The following NRP2 variants were observed in gnomAD, a reference collection of about 807,000 sequenced individuals.
The protein encoded by NRP2 is neuropilin-2.
A neutral mutation model predicts 110.4 loss-of-function variants in NRP2; 52 were observed. The observed-to-expected ratio is 0.47, with a 90% CI of 0.38 to 0.59. NRP2 has a LOEUF of 0.59. Among genes scored for constraint, NRP2 ranks in the 20% least tolerant of loss-of-function variants. The pLI is 0.00. For missense variants in NRP2, 1,049 were observed against 1,203.0 expected, an observed-to-expected ratio of 0.87 and a Z score of 1.89; for synonymous variants, 508 against 468.9, an observed-to-expected ratio of 1.08 and a Z score of -1.08.
At position 205,727,935 on chromosome 2, in the gene NRP2, G is replaced by A. The variant is rs1317226523; in HGVS notation, c.1035G>A (p.Gln345=). The change falls in exon 7 of 17, where the codon CAG becomes CAA. Residue 345 remains glutamine (Q), a synonymous_variant. Coordinates refer to ENST00000357785, the MANE Select transcript of NRP2 (RefSeq NM_003872.3). ...FLTMLTAIAT[Q]GAISRETQNG... is the part of the protein sequence containing the mutation. ...CCATGCTCACGGCCATCGCAACACA[G>A]GGAGCGATTTCCAGGGAAACACAGA... The A allele has an allele frequency of 3.7e-6, 6 of 1,614,120 alleles. No homozygotes were observed. The highest frequency in any genetic ancestry group is 1.6e-4 in the Middle Eastern group (1 of 6,062).
rs57186556 is a variant in NRP2, at chr2:205,766,926, C to T, written c.2425+123C>T. 1.5e-3 allele frequency: 1,220 copies of T among 839,622 alleles called. 11 individuals are homozygous for T. In the African/African-American group the frequency reaches 0.018, roughly 12 times the overall value. The allele number at this position is 839,622 out of a possible 1,614,324, so 52.0% of individuals were successfully genotyped here. A position where few individuals can be genotyped will look rare whatever the true frequency, so the allele number is the denominator to read the frequency against. On this transcript the variant is annotated intron_variant, in intron 15 of 16. Transcript: ENST00000357785. Reference sequence around the variant, plus strand: ...GTCAAATCTCGCAAGAGAAAAGAGACGCCACACCTTCCTGCCGCTAGATGG... The same window carrying T: ...GTCAAATCTCGCAAGAGAAAAGAGATGCCACACCTTCCTGCCGCTAGATGG...
At chr2:205,697,393 G>A (rs977124221) in intron 1 of NRP2, 151 bp from the exon 2 acceptor site, 12 of 767,584 alleles carry the variant, frequency 1.6e-5, no homozygotes, top group Admixed American at 8.7e-5. Context: ...CTCTTCCACC[G>A]AATGAGTAAG....
At chr2:205,773,214 G>A (rs1225205184) in intron 15 of NRP2, among the ~76,000 whole-genome samples, 1 of 152,214 alleles carries the variant, frequency 6.6e-6, no homozygotes, top group Non-Finnish European at 1.5e-5. Context: ...ACCTGCCTTT[G>A]GAGTTGAGTC....
intron 15 of NRP2, chr2:205,767,778 A>T (rs1370966179): frequency 5.9e-6 from 1 of 170,770 alleles, no homozygotes; most frequent in Non-Finnish European, 1.3e-5. Flanking sequence ...AAGCACACAC[A>T]AAAACACCCT....
intron 16 of NRP2, among the ~76,000 whole-genome samples, chr2:205,792,851 G>A (rs2058316834): frequency 6.6e-6 from 1 of 152,124 alleles, no homozygotes; most frequent in Non-Finnish European, 1.5e-5. Flanking sequence ...AGGCTAGAGG[G>A]CTGCTGAGCA....
intron 10 of NRP2, among the ~76,000 whole-genome samples, chr2:205,748,422 C>T (rs1380236398): frequency 2.6e-5 from 4 of 152,144 alleles, no homozygotes; most frequent in Admixed American, 6.5e-5. Context: ...GCTTTACAAT[C>T]GAGTTTCTAT....
chr2:205,792,192 T>C lies in NRP2; in HGVS notation c.2426-43T>C, dbSNP rs79642750. The stretch of plus-strand genomic sequence containing the variant: ...CCTCCCTGCCTTTTAGCCATGGTGA[T>C]AGAACTTGTTATTAACTTGTTTTTA... On this transcript the variant is annotated intron_variant, in intron 15 of 16. Coordinates refer to ENST00000357785, the MANE Select transcript of NRP2 (RefSeq NM_003872.3). 4,801 of 1,360,862 alleles carry C rather than the reference T, an allele frequency of 3.5e-3. 129 individuals are homozygous for C. In the African/African-American group the frequency reaches 0.056, roughly 16 times the overall value. 84.3% of individuals were successfully genotyped at this position (1,360,862 alleles called of 1,614,324 possible). A position where few individuals can be genotyped will look rare whatever the true frequency, so the allele number is the denominator to read the frequency against.
intron 15 of NRP2, 161 bp downstream of exon 15, chr2:205,766,964 CTGTAGA>C: frequency 1.5e-6 from 1 of 669,722 alleles, no homozygotes; most frequent in Non-Finnish European, 2.6e-6. Context: ...CTAGCAACAC[CTGTAGA>C]TGCGGGAAGG....
intron 8 of NRP2, among the ~76,000 whole-genome samples, chr2:205,741,798 A>G (rs1313575887): frequency 6.6e-6 from 1 of 152,174 alleles, no homozygotes; most frequent in African/African-American, 2.4e-5. Context: ...GCATCTCCAC[A>G]TGCCTTTCTT....
intron 1 of NRP2, among the ~76,000 whole-genome samples, chr2:205,690,985 G>A (rs1458039126): frequency 6.6e-6 from 1 of 152,114 alleles, no homozygotes; most frequent in African/African-American, 2.4e-5. Context: ...GGGGTGGGGA[G>A]GGAAGCGCAG....
At chr2:205,766,689 T>C (rs2057924269) in intron 14 of NRP2, 94 bp from the exon 15 acceptor site, 2 of 1,175,134 alleles carry the variant, frequency 1.7e-6, no homozygotes, top group Non-Finnish European at 1.3e-6. Context: ...AGTGCAGTCA[T>C]GTTTATCATC....
At position 205,683,253 on chromosome 2, in the gene NRP2, C is replaced by G; in HGVS notation, c.-38C>G. On this transcript the variant is annotated 5_prime_UTR_variant, in exon 1 of 17. Transcript: ENST00000357785. The stretch of plus-strand genomic sequence containing the variant: ...AAACACAAAGATTTAAACAAGAAAC[C>G]TACGAACCCAGCTCTGGAAAGAGCC... 1 of 1,464,794 alleles carries G rather than the reference C, an allele frequency of 6.8e-7. No homozygotes were observed. The highest frequency in any genetic ancestry group is 1.7e-5 in the Admixed American group (1 of 59,478). 90.7% of individuals were successfully genotyped at this position (1,464,794 alleles called of 1,614,324 possible).
At chr2:205,696,753 AG>A (rs2056435955) in intron 1 of NRP2, among the ~76,000 whole-genome samples, 2 of 152,226 alleles carry the variant, frequency 1.3e-5, no homozygotes, top group Admixed American at 1.3e-4. Flanking sequence ...GTGACCAGGC[AG>A]GAGGGACAGT....
In NRP2 at chr2:205,743,326, C is replaced by T. The variant is rs200906927; in HGVS notation, c.1415C>T (p.Ser472Leu). Reference protein sequence around the residue: ...PSAARLVSSRSGWFPRIPQAQ... With the variant: ...PSAARLVSSRLGWFPRIPQAQ... ...GCAGCCCGCCTGGTTAGCAGCCGCT[C>T]GGGCTGGTTCCCTCGAATCCCTCAG... The change falls in exon 9 of 17, where the codon TCG becomes TTG. Residue 472 changes from serine to leucine, a missense_variant. Coordinates refer to ENST00000357785, the MANE Select transcript of NRP2 (RefSeq NM_003872.3). The T allele has an allele frequency of 9.9e-6, 16 of 1,614,188 alleles. No homozygotes were observed. In the Admixed American group the frequency reaches 1.0e-4, roughly 10 times the overall value.
chr2:205,717,046 C>G (rs1475754717), intron 3 of NRP2, among the ~76,000 whole-genome samples: 1 of 152,196 alleles, frequency 6.6e-6, no homozygotes, highest in Non-Finnish European at 1.5e-5. Context: ...CCTTAGATTA[C>G]TTTAGGGCCT....
At chr2:205,762,632 C>A (rs2057842813) in intron 12 of NRP2, 1 of 152,190 alleles carries the variant, frequency 6.6e-6, no homozygotes, top group Admixed American at 6.5e-5. Context: ...GTGGCCCTGC[C>A]ATCTTGCAGA....
At chr2:205,684,158 G>A (rs906843705) in intron 1 of NRP2, among the ~76,000 whole-genome samples, 1 of 152,212 alleles carries the variant, frequency 6.6e-6, no homozygotes, top group Admixed American at 6.5e-5. Flanking sequence ...CTGCTGTGGA[G>A]ATAAGCATTT....
At chr2:205,722,171 A>G in intron 3 of NRP2, 1 of 116,084 alleles carries the variant, frequency 8.6e-6, no homozygotes, top group East Asian at 1.9e-4. Flanking sequence ...TCTCTCTCTC[A>G]TACACACACA....
intron 16 of NRP2, among the ~76,000 whole-genome samples, chr2:205,794,018 G>T: frequency 6.6e-6 from 1 of 152,202 alleles, no homozygotes; most frequent in East Asian, 1.9e-4. Flanking sequence ...TGTAGAGGTT[G>T]CCTTGAACAC....
Sources: gnomAD v4.1 joint callset for allele counts (sites outside exome capture counted in the v4.1 genomes callset) on GRCh38, gnomAD v4.1.1 for gene constraint, MANE v1.5 for transcripts, NCBI Gene and HGNC (gene_info 2026-07-23, HGNC 2026-07-21) for gene names.